Variants in CDS1 observed in about 807,000 individuals in gnomAD.
CDS1 encodes the protein phosphatidate cytidylyltransferase 1.
Under a neutral mutation model 62.1 loss-of-function variants are expected in CDS1, and 41 were observed. The observed-to-expected ratio is 0.66, with a 90% CI of 0.51 to 0.86. The LOEUF is 0.86. CDS1 is among the 40% of genes least tolerant of loss of function. The pLI, the probability that CDS1 is intolerant of heterozygous loss-of-function variation, is 0.00. For missense variants in CDS1, 470 were observed against 550.1 expected (o/e 0.85, Z 1.46); for synonymous variants, 185 against 192.6 (o/e 0.96, Z 0.32).
At chr4:84,631,762 A>G in intron 5 of CDS1, 57 bp from the exon 6 acceptor site, 5 of 1,436,532 alleles carry the variant, frequency 3.5e-6, no homozygotes, top group South Asian at 1.2e-5. Context: ...GGCTCAAGGA[A>G]TCTTAACCCT....
intron 5 of CDS1, among the ~76,000 whole-genome samples, chr4:84,620,959 T>C (rs1020042356): frequency 2.0e-5 from 3 of 151,702 alleles, no homozygotes; most frequent in Non-Finnish European, 4.4e-5. Context: ...ACTTAGGAGG[T>C]TGAGGCGGGA....
chr4:84,592,154 ATTTTTTTTTTTTTTT>A (rs72236126), intron 1 of CDS1, among the ~76,000 whole-genome samples: 2 of 86,044 alleles, frequency 2.3e-5, no homozygotes, highest in Admixed American at 1.6e-4. Context: ...TTAATGACCA[ATTTTTTTTTTTTTTT>A]TTTTTTTTTT....
chr4:84,627,411 C>T (rs1244178176), intron 5 of CDS1, among the ~76,000 whole-genome samples: 1 of 151,964 alleles, frequency 6.6e-6, no homozygotes, highest in Non-Finnish European at 1.5e-5. Context: ...ATAAAACAAA[C>T]GTTTTCTCTA....
chr4:84,607,385 G>A (rs1723159246), intron 2 of CDS1, among the ~76,000 whole-genome samples: 1 of 151,658 alleles, frequency 6.6e-6, no homozygotes, highest in Non-Finnish European at 1.5e-5. Context: ...CTGGGCTCAA[G>A]TGTTCCTCCC....
intron 3 of CDS1, 63 bp downstream of exon 3, chr4:84,609,588 A>G: frequency 1.1e-6 from 1 of 916,610 alleles, no homozygotes; most frequent in Non-Finnish European, 1.8e-6. Context: ...TATAGGATTG[A>G]AGTAATTTGA....
intron 2 of CDS1, among the ~76,000 whole-genome samples, chr4:84,609,195 A>G (rs1030212674): frequency 5.3e-5 from 8 of 151,712 alleles, no homozygotes; most frequent in African/African-American, 1.2e-4. Flanking sequence ...AAAAAAAAAA[A>G]AAAAAAGAAA....
At chr4:84,597,344 T>C (rs2110040010) in intron 1 of CDS1, among the ~76,000 whole-genome samples, 1 of 152,292 alleles carries the variant, frequency 6.6e-6, no homozygotes, top group Non-Finnish European at 1.5e-5. Context: ...TTTCTGTCTA[T>C]AAAATACAGT....
chr4:84,590,748 A>G (rs1722568952), intron 1 of CDS1, among the ~76,000 whole-genome samples: 1 of 152,218 alleles, frequency 6.6e-6, no homozygotes. Flanking sequence ...TTAAAGGCAA[A>G]AAGGAACAGG....
intron 4 of CDS1, among the ~76,000 whole-genome samples, chr4:84,619,159 C>T (rs1723593372): frequency 6.6e-6 from 1 of 151,888 alleles, no homozygotes; most frequent in South Asian, 2.1e-4. Flanking sequence ...TTATCTCTGG[C>T]ATTAGATTTT....
intron 1 of CDS1, among the ~76,000 whole-genome samples, chr4:84,590,023 G>A (rs541010551): frequency 2.0e-5 from 3 of 152,262 alleles, no homozygotes; most frequent in East Asian, 1.9e-4. Flanking sequence ...GTGTTAGCCA[G>A]GACGATCTCA....
At chr4:84,632,975 T>G (rs547339051) in intron 6 of CDS1, among the ~76,000 whole-genome samples, 1 of 152,126 alleles carries the variant, frequency 6.6e-6, no homozygotes, top group Admixed American at 6.5e-5. Flanking sequence ...AATATGAAAA[T>G]TAACCGGGCG....
chr4:84,605,927 T>A (rs1723079569), intron 2 of CDS1, among the ~76,000 whole-genome samples: 1 of 152,152 alleles, frequency 6.6e-6, no homozygotes, highest in Non-Finnish European at 1.5e-5. Context: ...GCTAGTAAGT[T>A]ATGGACCCAC....
In CDS1 at chr4:84,627,247, AC is replaced by A. The variant is rs1042890851; in HGVS notation, c.581-4567del. On this transcript the variant is annotated intron_variant, in intron 5 of 12. Transcript: ENST00000295887. ...TAAAATGTAGGTATCTCCAATTCTG[AC>A]CCCCTCATGGAGGTCCATGAAATTA... Among the ~76,000 whole-genome samples the A allele has an allele frequency of 3.9e-5, 6 of 152,046 alleles. No homozygotes were observed. In the East Asian group the frequency reaches 7.7e-4, roughly 20 times the overall value.
At chr4:84,595,521 A>G (rs1173826116) in intron 1 of CDS1, among the ~76,000 whole-genome samples, 3 of 152,214 alleles carry the variant, frequency 2.0e-5, no homozygotes, top group Non-Finnish European at 2.9e-5. Context: ...TTTAGTACAG[A>G]TGCAACCACC....
chr4:84,616,632 G>A (rs959222763), intron 3 of CDS1, among the ~76,000 whole-genome samples: 1 of 152,066 alleles, frequency 6.6e-6, no homozygotes, highest in Non-Finnish European at 1.5e-5. Context: ...AAGCCCTTGG[G>A]GTGTGTTCTC....
At chr4:84,588,349 C>G (rs1722480002) in intron 1 of CDS1, among the ~76,000 whole-genome samples, 1 of 152,190 alleles carries the variant, frequency 6.6e-6, no homozygotes, top group African/African-American at 2.4e-5. Flanking sequence ...TTATTATTTT[C>G]AAATAAACTT....
At chr4:84,631,425 AGTT>A (rs1724016130) in intron 5 of CDS1, among the ~76,000 whole-genome samples, 1 of 152,210 alleles carries the variant, frequency 6.6e-6, no homozygotes, top group African/African-American at 2.4e-5. Context: ...CTGTTATAAT[AGTT>A]ATTATTAATT....
At chr4:84,584,147 C>T (rs1409853057) in intron 1 of CDS1, among the ~76,000 whole-genome samples, 1 of 152,132 alleles carries the variant, frequency 6.6e-6, no homozygotes, top group Non-Finnish European at 1.5e-5. Flanking sequence ...TTCATATAAC[C>T]CGACGTTAAT....
chr4:84,615,930 C>G (rs2148646004), intron 3 of CDS1, among the ~76,000 whole-genome samples: 1 of 152,216 alleles, frequency 6.6e-6, no homozygotes, highest in Middle Eastern at 3.4e-3. Context: ...TTTCTGTTTT[C>G]CTAGAAGTTC....
Sources: gnomAD v4.1 joint callset for allele counts (sites outside exome capture counted in the v4.1 genomes callset) on GRCh38, gnomAD v4.1.1 for gene constraint, MANE v1.5 for transcripts, NCBI Gene and HGNC (gene_info 2026-07-23, HGNC 2026-07-21) for gene names.